The following MIPEP variants were observed in gnomAD, a reference collection of about 807,000 sequenced individuals.
MIPEP encodes the protein mitochondrial intermediate peptidase.
Under a neutral mutation model 90.3 loss-of-function variants are expected in MIPEP, and 79 were observed. That is an observed-to-expected ratio of 0.87 (90% CI 0.73 to 1.05). MIPEP has a LOEUF of 1.05. Ranked by LOEUF, MIPEP falls within the 50% of genes least tolerant of loss-of-function variation. The probability of loss-of-function intolerance (pLI) is 0.00; values close to 1 mark genes in which losing one functional copy is unlikely to be tolerated. For missense variants in MIPEP, 940 were observed against 905.6 expected (o/e 1.04, Z -0.49); for synonymous variants, 334 against 315.8 (o/e 1.06, Z -0.61).
At chr13:23,834,701 TCTC>T (rs1289071946) in intron 14 of MIPEP, among the ~76,000 whole-genome samples, 4 of 151,966 alleles carry the variant, frequency 2.6e-5, no homozygotes, top group Admixed American at 6.6e-5. Context: ...CTCCTGCACT[TCTC>T]CTCCCCAGCC....
intron 16 of MIPEP, among the ~76,000 whole-genome samples, chr13:23,775,965 T>C (rs1175363375): frequency 6.6e-6 from 1 of 152,348 alleles, no homozygotes; most frequent in African/African-American, 2.4e-5. Context: ...CAAAATGATG[T>C]AGATCATTCC....
intron 16 of MIPEP, among the ~76,000 whole-genome samples, chr13:23,779,086 A>G (rs890179616): frequency 1.3e-5 from 2 of 152,166 alleles, no homozygotes; most frequent in African/African-American, 4.8e-5. Flanking sequence ...AAGTACACAC[A>G]CTAGCACTCT....
At chr13:23,841,240 G>A (rs1869281103) in intron 11 of MIPEP, 95 bp downstream of exon 11, 2 of 1,165,022 alleles carry the variant, frequency 1.7e-6, no homozygotes, top group East Asian at 4.9e-5. Flanking sequence ...CACTCAGTCA[G>A]GGCAAAGTTG....
At position 23,820,359 on chromosome 13, in the gene MIPEP, T is replaced by C. The variant is rs537278441; in HGVS notation, c.1654-10435A>G. On this transcript the variant is annotated intron_variant, in intron 14 of 18. Transcript: ENST00000382172. ...TAGCATATTAAATTATACGTAGTCC[T>C]ACCTTTATAGAAACCCATTTAATGC... is the stretch of plus-strand genomic sequence containing the variant. 4.6e-5 allele frequency among the ~76,000 whole-genome samples: 7 copies of C among 152,352 alleles called. No homozygotes were observed. In the South Asian group the frequency reaches 1.5e-3, roughly 32 times the overall value.
At chr13:23,760,705 T>C (rs993474055) in intron 16 of MIPEP, 12 of 432,084 alleles carry the variant, frequency 2.8e-5, no homozygotes, top group South Asian at 1.2e-4. Context: ...ACATAGTCTC[T>C]GGCATTTTGT....
At chr13:23,885,452 G>T (rs1300214367) in intron 2 of MIPEP, among the ~76,000 whole-genome samples, 1 of 152,076 alleles carries the variant, frequency 6.6e-6, no homozygotes, top group African/African-American at 2.4e-5. Context: ...AGTATAATTG[G>T]ATTGTTTGTA....
At chr13:23,763,755 C>G (rs373899460) in intron 16 of MIPEP, among the ~76,000 whole-genome samples, 1 of 152,338 alleles carries the variant, frequency 6.6e-6, no homozygotes, top group East Asian at 1.9e-4. Flanking sequence ...TCCAGGTCTT[C>G]TGGCACACAC....
At chr13:23,816,698 G>A (rs1180874979) in intron 14 of MIPEP, among the ~76,000 whole-genome samples, 1 of 152,064 alleles carries the variant, frequency 6.6e-6, no homozygotes, top group Non-Finnish European at 1.5e-5. Context: ...GCTTTATCTT[G>A]GAGCAGGGAG....
At chr13:23,787,382 G>T (rs1952855342) in intron 16 of MIPEP, among the ~76,000 whole-genome samples, 1 of 145,278 alleles carries the variant, frequency 6.9e-6, no homozygotes, top group South Asian at 2.3e-4. Context: ...GGGAGAGAGA[G>T]CAAGAGCAAG....
chr13:23,737,533 C>A (rs1206253336), intron 18 of MIPEP, among the ~76,000 whole-genome samples: 3 of 152,170 alleles, frequency 2.0e-5, no homozygotes, highest in African/African-American at 7.2e-5. Flanking sequence ...AGAAAAAATC[C>A]TGTCAGCTCC....
chr13:23,864,033 C>A, intron 8 of MIPEP, 108 bp downstream of exon 8: 1 of 646,814 alleles, frequency 1.5e-6, no homozygotes, highest in Non-Finnish European at 2.6e-6. Context: ...GTCCAATATG[C>A]CAAAACTTAT....
intron 18 of MIPEP, among the ~76,000 whole-genome samples, chr13:23,740,591 C>G (rs1040893878): frequency 6.6e-6 from 1 of 152,118 alleles, no homozygotes; most frequent in African/African-American, 2.4e-5. Context: ...TGATCAAAGA[C>G]CAACTCTGTA....
rs369556524 is a variant in MIPEP at position 23,870,017 on chromosome 13, T to G, written c.782A>C (p.Asp261Ala). Residue 261 changes from aspartate to alanine, a missense_variant, in exon 6 of 19, where the codon GAC becomes GCC. Asp to Ala is a moderately radical substitution (Grantham distance 126). Coordinates refer to ENST00000382172, the MANE Select transcript of MIPEP (RefSeq NM_005932.4). ...AAGAGAATGAAACATACATACCAAGTCATCTGGTGATTCTGCGTGGAGACC... is the reference window on the plus strand; with the variant it reads ...AAGAGAATGAAACATACATACCAAGGCATCTGGTGATTCTGCGTGGAGACC... ...IDGLHAESPD[D>A]LVREAAYKIF... 7.6e-6 allele frequency: 12 copies of G among 1,589,036 alleles called. No individual in the cohort carries two copies. In the African/African-American group the frequency reaches 1.6e-4, roughly 21 times the overall value.
Position 23,889,156 on chromosome 13 carries a change from G to A in MIPEP, c.165C>T (p.Arg55=). 1 of 1,462,212 alleles carries A rather than the reference G, an allele frequency of 6.8e-7. No individual in the cohort carries two copies. Among genetic ancestry groups the A allele is most frequent in the Non-Finnish European group, 9.0e-7 (1 of 1,108,586 alleles). The allele number at this position is 1,462,212 out of a possible 1,614,324, so 90.6% of individuals were successfully genotyped here. A position where few individuals can be genotyped will look rare whatever the true frequency, so the allele number is the denominator to read the frequency against. The change falls in exon 1 of 19, where the codon CGC becomes CGT. Residue 55 remains arginine (R), a synonymous_variant. Transcript: ENST00000382172. ...AAFNVKPQGS[R]LDLFGERRGL... ...CCCGGCGCTCGCCGAACAGGTCCAA[G>A]CGGCTGCCCTGGGGCTTGACATTGA...
At position 23,873,727 on chromosome 13, in the gene MIPEP, G is replaced by T. The variant is rs552538494; in HGVS notation, c.603+1119C>A. Among the ~76,000 whole-genome samples the T allele has an allele frequency of 4.0e-4, 61 of 152,290 alleles. No individual in the cohort carries two copies. In the South Asian group the frequency reaches 0.012, roughly 29 times the overall value. On this transcript the variant is annotated intron_variant, in intron 5 of 18. Coordinates refer to ENST00000382172, the MANE Select transcript of MIPEP (RefSeq NM_005932.4). ...TGGTTAGAAGATATGACAATATTAGGAAGGGAAAGAATACAACTAACTCCC... is the reference window on the plus strand; with the variant it reads ...TGGTTAGAAGATATGACAATATTAGTAAGGGAAAGAATACAACTAACTCCC...
At chr13:23,753,667 C>A (rs1952464054) in intron 18 of MIPEP, among the ~76,000 whole-genome samples, 1 of 152,196 alleles carries the variant, frequency 6.6e-6, no homozygotes, top group African/African-American at 2.4e-5. Context: ...GTAGAGGAAT[C>A]CTGTGTGCTC....
intron 16 of MIPEP, among the ~76,000 whole-genome samples, chr13:23,787,409 AG>A (rs202040132): frequency 0.28 from 31,561 of 111,980 alleles, 3,905 homozygotes; most frequent in East Asian, 0.53. Flanking sequence ...GGAGAGGGAG[AG>A]AGAGAGAGAG....
At chr13:23,757,321 C>A (rs1018409105) in intron 17 of MIPEP, among the ~76,000 whole-genome samples, 3 of 152,016 alleles carry the variant, frequency 2.0e-5, no homozygotes, top group African/African-American at 4.8e-5. Context: ...GGATGGGGAG[C>A]GGCTGCAAAT....
At chr13:23,883,950 A>C (rs1871364795) in intron 2 of MIPEP, among the ~76,000 whole-genome samples, 1 of 152,182 alleles carries the variant, frequency 6.6e-6, no homozygotes, top group South Asian at 2.1e-4. Context: ...TCCAGGGAAA[A>C]ACCCTTTACA....
Sources: allele counts gnomAD v4.1 joint callset (sites outside exome capture counted in the v4.1 genomes callset), GRCh38; gene constraint gnomAD v4.1.1; transcripts MANE v1.5; gene names NCBI Gene and HGNC (gene_info 2026-07-23, HGNC 2026-07-21).